The following TRIO variants were observed in gnomAD, a reference collection of about 807,000 sequenced individuals.
TRIO encodes trio Rho guanine nucleotide exchange factor.
Under a neutral mutation model 351.9 loss-of-function variants are expected in TRIO, and 58 were observed. The observed-to-expected ratio is 0.16, with a 90% confidence interval of 0.13 to 0.21. TRIO has a LOEUF of 0.21. TRIO is among the 10% of genes least tolerant of loss of function. The pLI is 1.00. For missense variants in TRIO, 3,201 were observed against 4,027.8 expected, an observed-to-expected ratio of 0.79 and a Z score of 5.56; for synonymous variants, 1,758 against 1,595.7, an observed-to-expected ratio of 1.10 and a Z score of -2.42.
chr5:14,367,215 G>C (rs1360303915), intron 16 of TRIO, among the ~76,000 whole-genome samples: 1 of 152,122 alleles, frequency 6.6e-6, no homozygotes, highest in Non-Finnish European at 1.5e-5. Flanking sequence ...TCACTGCAAG[G>C]ATCCCAAAGG....
chr5:14,211,964 C>CAA lies in TRIO; in HGVS notation c.158-58855_158-58854dup, dbSNP rs70964546. On this transcript the variant is annotated intron_variant, in intron 1 of 56. Coordinates refer to ENST00000344204, the MANE Select transcript of TRIO (RefSeq NM_007118.4). ...ACCCCATCTCTCCAAAAAAAAAAAC[C>CAA]AAAAAAACAAAAACAAACAAACAAA... Among the ~76,000 whole-genome samples the CAA allele has an allele frequency of 1.0e-3, 153 of 148,364 alleles. 2 individuals are homozygous for CAA. In the South Asian group the frequency reaches 0.012, roughly 12 times the overall value.
Position 14,507,455 on chromosome 5 carries a change from G to A in TRIO, c.8751+195G>A, listed in dbSNP as rs62345881. Among the ~76,000 whole-genome samples the A allele has an allele frequency of 0.016, 2,425 of 152,308 alleles. 22 individuals carry two copies. The highest frequency in any genetic ancestry group is 0.025 in the Non-Finnish European group (1,693 of 68,018). ...CGTTCAGTGATGCACACGGTCAGGA[G>A]CACACTGGGTAAAACGCCGGAGCCC... On this transcript the variant is annotated intron_variant, in intron 56 of 56. Coordinates refer to ENST00000344204, the MANE Select transcript of TRIO (RefSeq NM_007118.4).
At chr5:14,368,263 C>A (rs900636047) in intron 16 of TRIO, among the ~76,000 whole-genome samples, 1 of 152,222 alleles carries the variant, frequency 6.6e-6, no homozygotes, top group African/African-American at 2.4e-5. Context: ...AAACTTTTCA[C>A]TGGAGTCCAG....
intron 1 of TRIO, among the ~76,000 whole-genome samples, chr5:14,245,079 T>C (rs980271495): frequency 6.6e-6 from 1 of 152,250 alleles, no homozygotes; most frequent in African/African-American, 2.4e-5. Context: ...AGCGAGTCTT[T>C]TGAGTCAATG....
intron 34 of TRIO, among the ~76,000 whole-genome samples, chr5:14,430,522 C>T (rs191588254): frequency 1.3e-5 from 2 of 152,226 alleles, no homozygotes; most frequent in East Asian, 3.9e-4. Context: ...CGCCTTCCAT[C>T]CTTGCAAAGT....
chr5:14,405,379 G>T (rs900075117), intron 31 of TRIO, among the ~76,000 whole-genome samples: 2 of 152,210 alleles, frequency 1.3e-5, no homozygotes, highest in African/African-American at 4.8e-5. Context: ...CTAGGCACAG[G>T]GGGCTGGAGG....
At position 14,162,303 on chromosome 5, in the gene TRIO, C is replaced by G. The variant is rs563760801; in HGVS notation, c.157+18421C>G. 7.2e-5 allele frequency among the ~76,000 whole-genome samples: 11 copies of G among 152,224 alleles called. No individual in the cohort carries two copies. The South Asian group carries it at 2.1e-3, about 29-fold the overall frequency. Reference sequence around the variant, plus strand: ...GGCCCTTCAAACTCTCATTTGAAGTCACTGTGTTGCCATAGAGATATTGTG... The same window carrying G: ...GGCCCTTCAAACTCTCATTTGAAGTGACTGTGTTGCCATAGAGATATTGTG... On this transcript the variant is annotated intron_variant, in intron 1 of 56. Coordinates refer to ENST00000344204, the MANE Select transcript of TRIO (RefSeq NM_007118.4).
At chr5:14,353,576 T>C (rs1268244824) in intron 11 of TRIO, among the ~76,000 whole-genome samples, 1 of 152,148 alleles carries the variant, frequency 6.6e-6, no homozygotes, top group Non-Finnish European at 1.5e-5. Context: ...AGCAACTTTT[T>C]GAGGCAGGCA....
At chr5:14,322,842 C>T (rs2152310548) in intron 9 of TRIO, among the ~76,000 whole-genome samples, 1 of 152,310 alleles carries the variant, frequency 6.6e-6, no homozygotes, top group South Asian at 2.1e-4. Context: ...TCTGAGTTCT[C>T]TATTAGAATT....
intron 13 of TRIO, among the ~76,000 whole-genome samples, chr5:14,362,429 G>A (rs1744230886): frequency 6.6e-6 from 1 of 152,186 alleles, no homozygotes; most frequent in African/African-American, 2.4e-5. Context: ...TAGGAGGCAT[G>A]TGAGGTTGGC....
chr5:14,378,532 A>T (rs1745768599), intron 20 of TRIO, among the ~76,000 whole-genome samples: 1 of 151,960 alleles, frequency 6.6e-6, no homozygotes, highest in Non-Finnish European at 1.5e-5. Flanking sequence ...ATTAAGTAGG[A>T]AATGTGACAG....
intron 55 of TRIO, among the ~76,000 whole-genome samples, chr5:14,505,443 G>A (rs559475138): frequency 2.6e-5 from 4 of 152,196 alleles, no homozygotes; most frequent in Non-Finnish European, 5.9e-5. Context: ...CTTTTCCATG[G>A]GGAAGGGTAA....
At chr5:14,209,768 C>G (rs370594046) in intron 1 of TRIO, among the ~76,000 whole-genome samples, 2 of 152,348 alleles carry the variant, frequency 1.3e-5, no homozygotes, top group East Asian at 1.9e-4. Flanking sequence ...AAAGAAAAAA[C>G]ATTCAACAAA....
intron 1 of TRIO, among the ~76,000 whole-genome samples, chr5:14,266,024 G>C (rs1322770373): frequency 2.6e-5 from 4 of 152,054 alleles, no homozygotes; most frequent in Non-Finnish European, 4.4e-5. Context: ...TGAGTTCATT[G>C]ATTGATTGAT....
At chr5:14,272,544 CAG>C (rs1295220376) in intron 2 of TRIO, among the ~76,000 whole-genome samples, 1 of 152,176 alleles carries the variant, frequency 6.6e-6, no homozygotes, top group Non-Finnish European at 1.5e-5. Context: ...GGCAGTCTTT[CAG>C]AGTTTGTCTT....
chr5:14,304,329 G>A (rs1738176188), intron 7 of TRIO, 132 bp from the exon 8 acceptor site: 7 of 900,036 alleles, frequency 7.8e-6, no homozygotes, highest in Non-Finnish European at 9.9e-6. Context: ...TGCCATTTGA[G>A]ATGGAGAGTC....
chr5:14,396,322 G>C (rs1747572992), intron 28 of TRIO, among the ~76,000 whole-genome samples: 1 of 151,962 alleles, frequency 6.6e-6, no homozygotes, highest in South Asian at 2.1e-4. Flanking sequence ...TGCATTCATA[G>C]CTCCAAGGTG....
intron 53 of TRIO, among the ~76,000 whole-genome samples, chr5:14,499,439 A>G (rs1239596227): frequency 6.6e-6 from 1 of 152,240 alleles, no homozygotes; most frequent in Non-Finnish European, 1.5e-5. Flanking sequence ...ACTGGGCTGC[A>G]CCACAAATGG....
intron 34 of TRIO, among the ~76,000 whole-genome samples, chr5:14,428,855 G>GA (rs1278643951): frequency 2.0e-5 from 3 of 152,142 alleles, no homozygotes; most frequent in South Asian, 4.1e-4. Flanking sequence ...GAGCTCGTGG[G>GA]AAAAATGAGA....
Sources: gnomAD v4.1 joint callset for allele counts (sites outside exome capture counted in the v4.1 genomes callset) on GRCh38, gnomAD v4.1.1 for gene constraint, MANE v1.5 for transcripts, NCBI Gene and HGNC (gene_info 2026-07-23, HGNC 2026-07-21) for gene names.